FAF2: variants seen among roughly 807,000 people sequenced by gnomAD.
The protein encoded by FAF2 is Fas associated factor family member 2, also known as FAS-associated factor 2.
A neutral mutation model predicts 62.3 loss-of-function variants in FAF2; 9 were observed. That is an observed-to-expected ratio of 0.14 (90% CI 0.09 to 0.25). The LOEUF is 0.25. Among genes scored for constraint, FAF2 ranks in the 10% least tolerant of loss-of-function variants. The probability of loss-of-function intolerance (pLI) is 1.00; values close to 1 mark genes in which losing one functional copy is unlikely to be tolerated. For missense variants in FAF2, 368 were observed against 556.2 expected (o/e 0.66, Z 3.40); for synonymous variants, 202 against 198.0 (o/e 1.02, Z -0.17).
intron 8 of FAF2, among the ~76,000 whole-genome samples, chr5:176,497,919 G>A (rs1413492587): frequency 6.6e-6 from 1 of 152,192 alleles, no homozygotes; most frequent in Non-Finnish European, 1.5e-5. Flanking sequence ...GGAGGCTGAG[G>A]TAAGAAGATT....
At position 176,494,922 on chromosome 5, in the gene FAF2, G is replaced by A. The variant is rs375208465; in HGVS notation, c.661+647G>A. On this transcript the variant is annotated intron_variant, in intron 7 of 10. Coordinates refer to ENST00000261942, the MANE Select transcript of FAF2 (RefSeq NM_014613.3). The surrounding 1 kb of genome is among the most constrained non-coding windows in gnomAD (Gnocchi z 4.0). ...GTTCTTCACATTCAGCATTGCCAAA[G>A]CCTGCCACATTCATAGAAATACCCA... Among the ~76,000 whole-genome samples, 15 of 152,278 alleles carry A rather than the reference G, an allele frequency of 9.9e-5. No individual in the cohort carries two copies. The East Asian group carries it at 2.9e-3, about 29-fold the overall frequency.
intron 1 of FAF2, among the ~76,000 whole-genome samples, chr5:176,472,778 A>G (rs967235847): frequency 8.6e-5 from 13 of 151,922 alleles, no homozygotes; most frequent in Admixed American, 7.2e-4. Flanking sequence ...AATAGGGCTC[A>G]TATGGTTCTT....
chr5:176,494,711 C>T lies in FAF2; in HGVS notation c.661+436C>T, dbSNP rs966309764. Among the ~76,000 whole-genome samples, 2 of 152,066 alleles carry T rather than the reference C, an allele frequency of 1.3e-5. No individual in the cohort carries two copies. The highest frequency in any genetic ancestry group is 4.8e-5 in the African/African-American group (2 of 41,398). ...CTGGAACTACAGGCATGCACCACCA[C>T]GCCCAGCTAATTTTTTTGTATTTTT... On this transcript the variant is annotated intron_variant, in intron 7 of 10. Transcript: ENST00000261942. The surrounding 1 kb of genome is among the most constrained non-coding windows in gnomAD (Gnocchi z 4.0).
At chr5:176,489,382 C>T in intron 4 of FAF2, among the ~76,000 whole-genome samples, 1 of 151,292 alleles carries the variant, frequency 6.6e-6, no homozygotes, top group African/African-American at 2.4e-5. Flanking sequence ...TAGCTTCACA[C>T]TCCTTAGAAC....
chr5:176,496,775 T>C, intron 8 of FAF2, 112 bp downstream of exon 8: 1 of 775,134 alleles, frequency 1.3e-6, no homozygotes, highest in Non-Finnish European at 1.9e-6. Context: ...CGCTATTAGC[T>C]TTTAGCTTTG....
chr5:176,477,779 A>G (rs1245488763), intron 1 of FAF2, among the ~76,000 whole-genome samples: 1 of 152,196 alleles, frequency 6.6e-6, no homozygotes, highest in Non-Finnish European at 1.5e-5. Flanking sequence ...TTGCACATAA[A>G]GGAAACTAAA....
intron 1 of FAF2, among the ~76,000 whole-genome samples, chr5:176,462,608 G>A (rs1758397991): frequency 6.6e-6 from 1 of 152,126 alleles, no homozygotes; most frequent in African/African-American, 2.4e-5. Flanking sequence ...TAACGACAGA[G>A]CAAGACTCCG....
At chr5:176,476,207 C>G (rs570622318) in intron 1 of FAF2, among the ~76,000 whole-genome samples, 1 of 152,130 alleles carries the variant, frequency 6.6e-6, no homozygotes, top group African/African-American at 2.4e-5. Flanking sequence ...TGCAAGTGAG[C>G]CAAGATCGTT....
intron 7 of FAF2, among the ~76,000 whole-genome samples, chr5:176,495,024 CAG>C (rs145542269): frequency 0.016 from 2,423 of 152,278 alleles, 63 homozygotes; most frequent in African/African-American, 0.055. Context: ...ACGATTTTAA[CAG>C]AGCCCTTGCA....
chr5:176,489,419 C>T (rs1003176231), intron 4 of FAF2, among the ~76,000 whole-genome samples: 3 of 152,080 alleles, frequency 2.0e-5, no homozygotes, highest in African/African-American at 7.2e-5. Flanking sequence ...TTCTCCTCCA[C>T]CTGACTACTC....
chr5:176,499,453 T>C (rs1471668565), intron 9 of FAF2, among the ~76,000 whole-genome samples: 2 of 152,162 alleles, frequency 1.3e-5, no homozygotes, highest in Non-Finnish European at 2.9e-5. Context: ...AATACCAGTA[T>C]TAGCTGATTT....
chr5:176,474,055 A>G (rs181935292), intron 1 of FAF2, among the ~76,000 whole-genome samples: 1 of 152,352 alleles, frequency 6.6e-6, no homozygotes, highest in Non-Finnish European at 1.5e-5. Flanking sequence ...TGTGCTTGCT[A>G]CTGGGATGTT....
chr5:176,458,457 T>C (rs1223483911), intron 1 of FAF2, among the ~76,000 whole-genome samples: 1 of 110,616 alleles, frequency 9.0e-6, no homozygotes, highest in Non-Finnish European at 1.7e-5. Context: ...TCACCCACGC[T>C]GGAGTGCGGT....
rs1758361260 is a variant in FAF2 at position 176,460,553 on chromosome 5, TA to T, written c.63+12084del. Among the ~76,000 whole-genome samples, 4 of 150,172 alleles carry T rather than the reference TA, an allele frequency of 2.7e-5. No homozygotes were observed. In the South Asian group the frequency reaches 6.3e-4, roughly 24 times the overall value. On this transcript the variant is annotated intron_variant, in intron 1 of 10. Transcript: ENST00000261942. ...GTGTGTGTGTGTGTGTGTGTGTGTGTATTTTTTTTTTCCTGAGGGTCTCACT... is the reference window on the plus strand; with the variant it reads ...GTGTGTGTGTGTGTGTGTGTGTGTGTTTTTTTTTTTCCTGAGGGTCTCACT...
At chr5:176,457,064 A>G (rs544847516) in intron 1 of FAF2, among the ~76,000 whole-genome samples, 1 of 152,278 alleles carries the variant, frequency 6.6e-6, no homozygotes, top group African/African-American at 2.4e-5. Context: ...TAAGTATTTA[A>G]GAGGAATATT....
rs143720775 is a variant in FAF2 at position 176,448,800 on chromosome 5, A to G, written c.63+330A>G. Among the ~76,000 whole-genome samples, 210 of 152,222 alleles carry G rather than the reference A, an allele frequency of 1.4e-3. 1 individual carries two copies. Among genetic ancestry groups the G allele is most frequent in the African/African-American group, 4.8e-3 (201 of 41,514 alleles). ...CGGACCCTCTCCGCCCAACGAGTCTATATCTGCCGGAGAAGCTTAGTCCCC... is the reference window on the plus strand; with the variant it reads ...CGGACCCTCTCCGCCCAACGAGTCTGTATCTGCCGGAGAAGCTTAGTCCCC... On this transcript the variant is annotated intron_variant, in intron 1 of 10. Coordinates refer to ENST00000261942, the MANE Select transcript of FAF2 (RefSeq NM_014613.3).
chr5:176,464,396 A>G (rs1166353688), intron 1 of FAF2, among the ~76,000 whole-genome samples: 1 of 151,780 alleles, frequency 6.6e-6, no homozygotes, highest in East Asian at 1.9e-4. Flanking sequence ...GTTATCAAAT[A>G]TTTGAGAATC....
chr5:176,479,436 G>T (rs1758755383), intron 2 of FAF2, among the ~76,000 whole-genome samples, 180 bp downstream of exon 2: 1 of 152,196 alleles, frequency 6.6e-6, no homozygotes, highest in African/African-American at 2.4e-5. Flanking sequence ...AGAAAAATTT[G>T]TGACTAAATC....
At chr5:176,462,938 G>GA (rs1322117778) in intron 1 of FAF2, among the ~76,000 whole-genome samples, 1 of 152,154 alleles carries the variant, frequency 6.6e-6, no homozygotes, top group Non-Finnish European at 1.5e-5. Flanking sequence ...TTCACAAAGA[G>GA]GATAACAGAA....
Sources: gnomAD v4.1 joint callset for allele counts (sites outside exome capture counted in the v4.1 genomes callset) on GRCh38, gnomAD v4.1.1 for gene constraint, Gnocchi (gnomAD v3.1) non-coding constraint, MANE v1.5 for transcripts, NCBI Gene and HGNC (gene_info 2026-07-23, HGNC 2026-07-21) for gene names.